HTR1E: variants seen among roughly 807,000 people sequenced by gnomAD.
HTR1E encodes the protein 5-HT-1E.
A neutral mutation model predicts 3.4 loss-of-function variants in HTR1E; 3 were observed. The ratio of observed to expected loss-of-function variants is 0.89; its 90% CI spans 0.41 to 2.31. The LOEUF (loss-of-function observed/expected upper bound fraction) is 2.31. Among genes scored for constraint, HTR1E ranks in the 30% most tolerant of loss-of-function variants. The pLI is 0.05. For synonymous variants in HTR1E, 170 were observed against 182.8 expected (o/e 0.93, Z 0.56); for missense variants, 392 against 467.0 (o/e 0.84, Z 1.48).
intron 1 of HTR1E, among the ~76,000 whole-genome samples, chr6:87,011,523 A>G (rs1768235811): frequency 6.6e-6 from 1 of 152,260 alleles, no homozygotes; most frequent in Admixed American, 6.5e-5. Context: ...GAGACGTTAT[A>G]TAATATTTTC....
chr6:86,954,262 T>C (rs1767291830), intron 1 of HTR1E, among the ~76,000 whole-genome samples: 2 of 152,222 alleles, frequency 1.3e-5, no homozygotes, highest in Admixed American at 6.5e-5. Flanking sequence ...AGGCTGTCTG[T>C]CTGCCTCTCA....
chr6:86,952,306 A>G (rs1187387080), intron 1 of HTR1E, among the ~76,000 whole-genome samples: 1 of 152,146 alleles, frequency 6.6e-6, no homozygotes, highest in African/African-American at 2.4e-5. Flanking sequence ...AAATTCCTAG[A>G]AAAAAAGGGA....
intron 1 of HTR1E, among the ~76,000 whole-genome samples, chr6:87,008,110 T>C (rs1243287684): frequency 6.6e-6 from 1 of 152,192 alleles, no homozygotes; most frequent in Non-Finnish European, 1.5e-5. Context: ...ATGGTAATGT[T>C]TTCTTGTTAT....
At chr6:86,986,133 G>A (rs1351576375) in intron 1 of HTR1E, among the ~76,000 whole-genome samples, 6 of 152,094 alleles carry the variant, frequency 3.9e-5, no homozygotes, top group Non-Finnish European at 8.8e-5. Flanking sequence ...CTGGAGAATT[G>A]GCAAAACTAT....
At chr6:87,010,331 C>A (rs1343799199) in intron 1 of HTR1E, among the ~76,000 whole-genome samples, 1 of 96,972 alleles carries the variant, frequency 1.0e-5, no homozygotes, top group African/African-American at 4.8e-5. Flanking sequence ...CCCCCCACCT[C>A]CCTCCCGGAC....
chr6:86,993,662 T>C (rs1425247433), intron 1 of HTR1E, among the ~76,000 whole-genome samples: 1 of 151,548 alleles, frequency 6.6e-6, no homozygotes, highest in Admixed American at 6.6e-5. Context: ...CATCCAGCAC[T>C]CCTCTTCTCT....
chr6:87,013,672 A>G (rs1768271753), intron 1 of HTR1E, among the ~76,000 whole-genome samples: 1 of 152,092 alleles, frequency 6.6e-6, no homozygotes, highest in Non-Finnish European at 1.5e-5. Context: ...AAATGTAAAA[A>G]AAAGCCTTTT....
intron 1 of HTR1E, among the ~76,000 whole-genome samples, chr6:87,010,197 C>A (rs1166293720): frequency 1.2e-4 from 13 of 109,186 alleles, no homozygotes; most frequent in Admixed American, 6.0e-4. Context: ...CCGACCCCCC[C>A]ACCTCCCTCC....
At position 86,939,498 on chromosome 6, in the gene HTR1E, A is replaced by G. The variant is rs114886050; in HGVS notation, c.-186+1675A>G. ...GCAGAAGCTCCAAGGATTGCTATAG[A>G]TCTCAATTGAGACTTCTAGTAACAG... On this transcript the variant is annotated intron_variant, in intron 1 of 1. Transcript: ENST00000305344. Among the ~76,000 whole-genome samples the G allele has an allele frequency of 6.1e-3, 934 of 152,304 alleles. 9 individuals carry two copies. The highest frequency in any genetic ancestry group is 0.021 in the African/African-American group (888 of 41,566).
chr6:86,949,497 T>C (rs1178451211), intron 1 of HTR1E, among the ~76,000 whole-genome samples: 1 of 152,170 alleles, frequency 6.6e-6, no homozygotes, highest in Non-Finnish European at 1.5e-5. Context: ...TTGTTGTTCT[T>C]TCTCAAGAGC....
At chr6:86,966,201 G>A (rs1420640933) in intron 1 of HTR1E, among the ~76,000 whole-genome samples, 2 of 152,046 alleles carry the variant, frequency 1.3e-5, no homozygotes, top group Non-Finnish European at 1.5e-5. Context: ...TAAGAAGAGG[G>A]AAGAAGGAAA....
chr6:86,954,461 A>G (rs1302516695), intron 1 of HTR1E, among the ~76,000 whole-genome samples: 4 of 152,186 alleles, frequency 2.6e-5, no homozygotes, highest in African/African-American at 9.7e-5. Flanking sequence ...CACCAATTTC[A>G]ATTCCCAAAA....
intron 1 of HTR1E, among the ~76,000 whole-genome samples, chr6:86,984,997 A>G (rs937688375): frequency 3.9e-5 from 6 of 152,234 alleles, no homozygotes; most frequent in African/African-American, 1.4e-4. Flanking sequence ...ACCATCAAGC[A>G]AGAATTTATC....
At chr6:86,958,339 A>G (rs1226247096) in intron 1 of HTR1E, among the ~76,000 whole-genome samples, 1 of 152,094 alleles carries the variant, frequency 6.6e-6, no homozygotes, top group Non-Finnish European at 1.5e-5. Context: ...TTAATTTACG[A>G]GCCCATGGGA....
intron 1 of HTR1E, among the ~76,000 whole-genome samples, chr6:86,998,126 C>T (rs900616724): frequency 6.6e-6 from 1 of 151,940 alleles, no homozygotes; most frequent in African/African-American, 2.4e-5. Context: ...GAGAAATTGA[C>T]ATACCCACAA....
chr6:86,974,347 G>A (rs1382020014), intron 1 of HTR1E, among the ~76,000 whole-genome samples: 1 of 152,112 alleles, frequency 6.6e-6, no homozygotes, highest in African/African-American at 2.4e-5. Context: ...GTCCAGTAAT[G>A]TTCTTTATAG....
intron 1 of HTR1E, among the ~76,000 whole-genome samples, chr6:86,942,414 G>A (rs1333286557): frequency 6.6e-6 from 1 of 152,176 alleles, no homozygotes; most frequent in Non-Finnish European, 1.5e-5. Flanking sequence ...AGTCAAGGAA[G>A]TATTTGTTAC....
At chr6:86,964,537 CTCTT>C (rs1767450079) in intron 1 of HTR1E, among the ~76,000 whole-genome samples, 1 of 119,516 alleles carries the variant, frequency 8.4e-6, no homozygotes. Flanking sequence ...AATTCTTTCT[CTCTT>C]TCTCTGCCTT....
At chr6:86,981,893 C>G (rs940896348) in intron 1 of HTR1E, among the ~76,000 whole-genome samples, 1 of 152,210 alleles carries the variant, frequency 6.6e-6, no homozygotes, top group African/African-American at 2.4e-5. Flanking sequence ...TCCAGCAACT[C>G]TGGCCAGACA....
Sources: allele counts gnomAD v4.1 joint callset (sites outside exome capture counted in the v4.1 genomes callset), GRCh38; gene constraint gnomAD v4.1.1; transcripts MANE v1.5; gene names NCBI Gene and HGNC (gene_info 2026-07-23, HGNC 2026-07-21).